The following JPH1 variants were observed in gnomAD, a reference collection of about 807,000 sequenced individuals.
JPH1 encodes junctophilin 1, also known as junctophilin-1.
Under a neutral mutation model 53.6 loss-of-function variants are expected in JPH1, and 12 were observed. That is an observed-to-expected ratio of 0.22 (90% CI 0.14 to 0.36). The LOEUF is 0.36. JPH1 is among the 10% of genes least tolerant of loss of function. The probability of loss-of-function intolerance (pLI) is 1.00; values close to 1 mark genes in which losing one functional copy is unlikely to be tolerated. For synonymous variants in JPH1, 375 were observed against 363.8 expected, an observed-to-expected ratio of 1.03 and a Z score of -0.35; for missense variants, 808 against 905.5, an observed-to-expected ratio of 0.89 and a Z score of 1.38.
At chr8:74,272,570 A>ATCAGAGAT in intron 2 of JPH1, among the ~76,000 whole-genome samples, 1 of 148,538 alleles carries the variant, frequency 6.7e-6, no homozygotes, top group African/African-American at 2.5e-5. Context: ...TTCTGATTTG[A>ATCAGAGAT]TCAGAGATGC....
At chr8:74,251,564 G>C (rs531403630) in intron 3 of JPH1, among the ~76,000 whole-genome samples, 1 of 151,994 alleles carries the variant, frequency 6.6e-6, no homozygotes, top group African/African-American at 2.4e-5. Context: ...TTAACCCTTT[G>C]GGGGAGAAAG....
chr8:74,247,099 C>T (rs754708859), intron 3 of JPH1, among the ~76,000 whole-genome samples: 1 of 152,194 alleles, frequency 6.6e-6, no homozygotes, highest in Non-Finnish European at 1.5e-5. Flanking sequence ...CTCTTTAAAA[C>T]TCATCAGGTC....
intron 2 of JPH1, among the ~76,000 whole-genome samples, chr8:74,285,586 A>G (rs1276511391): frequency 6.6e-6 from 1 of 152,106 alleles, no homozygotes; most frequent in African/African-American, 2.4e-5. Context: ...TAACACCTGA[A>G]TGCAACTGAC....
chr8:74,315,155 A>G lies in JPH1; in HGVS notation c.845T>C (p.Met282Thr), dbSNP rs1808107056. ...GCGCTTGTCGTTCTTCCACTCGCCC[A>G]TGTAGGTTTCCGTGGTGGTGGCGTC... is the stretch of plus-strand genomic sequence containing the variant. ...HVDATTTETYMGEWKNDKRNG... is the reference protein window; with the variant it reads ...HVDATTTETYTGEWKNDKRNG... Residue 282 changes from methionine to threonine, a missense_variant, in exon 2 of 6, where the codon ATG (methionine) becomes ACG (threonine). Transcript: ENST00000342232. This position sits in a 1 kb window ranked among gnomAD's most constrained non-coding sequence, Gnocchi z 6.3. 6.2e-7 allele frequency: 1 copy of G among 1,614,134 alleles called. No homozygotes were observed.
chr8:74,290,790 C>T (rs1170870277), intron 2 of JPH1, among the ~76,000 whole-genome samples: 1 of 152,068 alleles, frequency 6.6e-6, no homozygotes, highest in Non-Finnish European at 1.5e-5. Context: ...GAGATATAGA[C>T]CAATGGAACA....
chr8:74,316,453 T>G (rs1808160894), intron 1 of JPH1, among the ~76,000 whole-genome samples: 1 of 152,226 alleles, frequency 6.6e-6, no homozygotes, highest in Non-Finnish European at 1.5e-5. Context: ...CAGGAATTAC[T>G]TCGTATGAGA....
intron 2 of JPH1, among the ~76,000 whole-genome samples, chr8:74,310,686 T>C (rs1807968070): frequency 6.6e-6 from 1 of 152,186 alleles, no homozygotes; most frequent in Admixed American, 6.5e-5. Context: ...AGATCCACCA[T>C]ACTTTCATGA....
At chr8:74,313,742 T>C (rs2131463660) in intron 2 of JPH1, among the ~76,000 whole-genome samples, 1 of 152,276 alleles carries the variant, frequency 6.6e-6, no homozygotes, top group African/African-American at 2.4e-5. Flanking sequence ...AAAAGGGCGT[T>C]TACTTCTGTG....
At chr8:74,245,702 C>T (rs1487479136) in intron 3 of JPH1, among the ~76,000 whole-genome samples, 1 of 152,104 alleles carries the variant, frequency 6.6e-6, no homozygotes. Flanking sequence ...GTAGTCCATT[C>T]ACAGCTATGG....
intron 2 of JPH1, among the ~76,000 whole-genome samples, chr8:74,305,923 G>A (rs924891388): frequency 7.2e-5 from 11 of 152,166 alleles, no homozygotes; most frequent in African/African-American, 2.7e-4. Flanking sequence ...CTACTTGTTA[G>A]TCACGAAAAC....
Position 74,245,180 on chromosome 8 carries a change from C to T in JPH1, c.1259-5G>A, listed in dbSNP as rs199709521. ...TCTGTTTGACGTAATCAGGGCCTGGCCAAAAAAAAAAGAAAAAAGAAAAAA... is the reference window on the plus strand; with the variant it reads ...TCTGTTTGACGTAATCAGGGCCTGGTCAAAAAAAAAAGAAAAAAGAAAAAA... On this transcript the variant is annotated splice_polypyrimidine_tract_variant and splice_region_variant and intron_variant, in intron 3 of 5. Coordinates refer to ENST00000342232, the MANE Select transcript of JPH1 (RefSeq NM_020647.4). 1.2e-4 allele frequency: 178 copies of T among 1,497,780 alleles called. 1 individual carries two copies. In the South Asian group the frequency reaches 2.3e-3, roughly 20 times the overall value. 92.8% of individuals were successfully genotyped at this position (1,497,780 alleles called of 1,614,324 possible).
chr8:74,257,885 C>T (rs1047034125), intron 3 of JPH1, among the ~76,000 whole-genome samples: 3 of 152,114 alleles, frequency 2.0e-5, no homozygotes, highest in Non-Finnish European at 4.4e-5. Context: ...CAACAACCAC[C>T]TTGGGTCCCT....
intron 2 of JPH1, among the ~76,000 whole-genome samples, chr8:74,312,115 C>A (rs1462616161): frequency 1.3e-5 from 2 of 152,068 alleles, no homozygotes; most frequent in African/African-American, 2.4e-5. Context: ...GGGAAAAGGA[C>A]TAAAACAGTG....
chr8:74,309,427 A>T (rs757070136), intron 2 of JPH1, among the ~76,000 whole-genome samples: 1 of 152,016 alleles, frequency 6.6e-6, no homozygotes, highest in Non-Finnish European at 1.5e-5. Flanking sequence ...TACATCTTCT[A>T]TCTTCTTGCA....
chr8:74,309,677 C>T (rs988124773), intron 2 of JPH1, among the ~76,000 whole-genome samples: 4 of 151,962 alleles, frequency 2.6e-5, no homozygotes, highest in African/African-American at 7.3e-5. Flanking sequence ...TAAAAATTGA[C>T]GAAATGAGAA....
chr8:74,258,971 C>T (rs1031559564), intron 3 of JPH1, among the ~76,000 whole-genome samples: 19 of 152,290 alleles, frequency 1.2e-4, no homozygotes, highest in African/African-American at 3.9e-4. Flanking sequence ...GGCACCGACA[C>T]GATGCTACAA....
At chr8:74,261,939 C>T (rs1030336857) in intron 2 of JPH1, among the ~76,000 whole-genome samples, 19 of 152,302 alleles carry the variant, frequency 1.2e-4, no homozygotes, top group African/African-American at 4.3e-4. Flanking sequence ...TTATAATATG[C>T]TAAACTAGAG....
intron 2 of JPH1, among the ~76,000 whole-genome samples, chr8:74,299,424 T>C (rs1444592068): frequency 6.6e-6 from 1 of 152,200 alleles, no homozygotes; most frequent in Non-Finnish European, 1.5e-5. Flanking sequence ...TAGCTTACTC[T>C]TGTGTCAATC....
At chr8:74,279,342 A>T (rs1443289972) in intron 2 of JPH1, among the ~76,000 whole-genome samples, 2 of 152,240 alleles carry the variant, frequency 1.3e-5, no homozygotes, top group African/African-American at 4.8e-5. Flanking sequence ...AACAAGAGGT[A>T]AATTGGGAAG....
Sources: gnomAD v4.1 joint callset for allele counts (sites outside exome capture counted in the v4.1 genomes callset) on GRCh38, gnomAD v4.1.1 for gene constraint, Gnocchi (gnomAD v3.1) non-coding constraint, MANE v1.5 for transcripts, NCBI Gene and HGNC (gene_info 2026-07-23, HGNC 2026-07-21) for gene names.